The following DEPTOR variants were observed in gnomAD, a reference collection of about 807,000 sequenced individuals.
DEPTOR encodes DEP domain containing MTOR interacting protein, also known as DEP domain-containing mTOR-interacting protein.
Under a neutral mutation model 41.6 loss-of-function variants are expected in DEPTOR, and 41 were observed. That is an observed-to-expected ratio of 0.98 (90% CI 0.77 to 1.28). DEPTOR has a LOEUF of 1.28. Among genes scored for constraint, DEPTOR ranks in the 50% most tolerant of loss-of-function variants. The pLI is 0.00. For synonymous variants in DEPTOR, 195 were observed against 192.3 expected (o/e 1.01, Z -0.12); for missense variants, 514 against 527.9 (o/e 0.97, Z 0.26).
At chr8:120,004,759 C>G (rs1812407298) in intron 6 of DEPTOR, among the ~76,000 whole-genome samples, 1 of 151,994 alleles carries the variant, frequency 6.6e-6, no homozygotes, top group Non-Finnish European at 1.5e-5. Flanking sequence ...TTGTAAATTC[C>G]ACTTCTTACC....
At chr8:119,979,647 C>T (rs575179768) in intron 4 of DEPTOR, among the ~76,000 whole-genome samples, 4 of 151,946 alleles carry the variant, frequency 2.6e-5, no homozygotes, top group South Asian at 2.1e-4. Flanking sequence ...ACCCCACCCC[C>T]GCTTCCATCC....
At chr8:119,887,213 G>T (rs1454779959) in intron 1 of DEPTOR, among the ~76,000 whole-genome samples, 1 of 122,714 alleles carries the variant, frequency 8.1e-6, no homozygotes, top group African/African-American at 3.1e-5. Flanking sequence ...TCACTCTGTC[G>T]CCTGGGCTGG....
Position 120,003,004 on chromosome 8 carries a change from T to C in DEPTOR, c.818T>C (p.Val273Ala). ...SVSPSKEIKI[V>A]SAVRRSSMSS... The stretch of plus-strand genomic sequence containing the variant: ...AGCCCCAGCAAGGAGATCAAGATCG[T>C]GTCTGCAGTGAGGAGAAGCAGCATG... Residue 273 changes from valine to alanine, a missense_variant, in exon 6 of 9, where the codon GTG becomes GCG. Val to Ala is a moderately conservative substitution (Grantham distance 64, BLOSUM62 0). Transcript: ENST00000286234. 1 of 1,590,294 alleles carries C rather than the reference T, an allele frequency of 6.3e-7. No individual in the cohort carries two copies. Among genetic ancestry groups the C allele is most frequent in the Non-Finnish European group, 8.6e-7 (1 of 1,169,030 alleles).
At chr8:119,884,213 A>T in intron 1 of DEPTOR, among the ~76,000 whole-genome samples, 1 of 152,086 alleles carries the variant, frequency 6.6e-6, no homozygotes, top group East Asian at 1.9e-4. Context: ...AGGCACCACC[A>T]CACCTCACTA....
intron 8 of DEPTOR, among the ~76,000 whole-genome samples, chr8:120,041,509 C>T (rs1310661134): frequency 6.6e-6 from 1 of 152,126 alleles, no homozygotes; most frequent in Non-Finnish European, 1.5e-5. Context: ...TTCCTGTTAA[C>T]TCTTACGAGG....
At chr8:119,922,160 A>G (rs1244337045) in intron 1 of DEPTOR, among the ~76,000 whole-genome samples, 1 of 151,576 alleles carries the variant, frequency 6.6e-6, no homozygotes, top group Non-Finnish European at 1.5e-5. Flanking sequence ...AATTGCTTGA[A>G]TCCAGGAGGT....
At chr8:119,997,088 GGTTT>G (rs1471449190) in intron 4 of DEPTOR, among the ~76,000 whole-genome samples, 2 of 152,064 alleles carry the variant, frequency 1.3e-5, no homozygotes, top group Non-Finnish European at 2.9e-5. Flanking sequence ...AAGAATGGTT[GGTTT>G]ATTTATGATT....
intron 4 of DEPTOR, among the ~76,000 whole-genome samples, chr8:119,985,826 CTTTTTTTTTTTTTTTTTTTTTTTTTTT>C (rs999602227): frequency 2.4e-5 from 1 of 41,604 alleles, no homozygotes; most frequent in Non-Finnish European, 4.1e-5. Context: ...AACCCCTGCT[CTTTTTTTTTTTTTTTTTTTTTTTTTTT>C]TTTTTTTTTT....
intron 3 of DEPTOR, among the ~76,000 whole-genome samples, chr8:119,954,868 G>A (rs924338537): frequency 6.6e-6 from 1 of 151,896 alleles, no homozygotes; most frequent in Admixed American, 6.6e-5. Context: ...GTGTGTGTGT[G>A]TGTGTGTTTT....
chr8:119,968,910 A>G (rs970614980), intron 4 of DEPTOR, among the ~76,000 whole-genome samples: 2 of 152,118 alleles, frequency 1.3e-5, no homozygotes, highest in Non-Finnish European at 2.9e-5. Context: ...GCTGGCCAAC[A>G]TTGTGAAACC....
intron 8 of DEPTOR, among the ~76,000 whole-genome samples, chr8:120,030,500 T>TGTTTTTTTG (rs1231166400): frequency 1.3e-5 from 1 of 78,378 alleles, no homozygotes; most frequent in Non-Finnish European, 2.4e-5. Context: ...TTCATCAGTT[T>TGTTTTTTTG]TTTTTTTTTT....
chr8:119,923,256 AT>A (rs1827918610), intron 1 of DEPTOR, among the ~76,000 whole-genome samples: 1 of 151,604 alleles, frequency 6.6e-6, no homozygotes, highest in African/African-American at 2.4e-5. Flanking sequence ...TTATTTATTT[AT>A]TTTTGAGATG....
At chr8:119,883,238 G>A (rs142139755) in intron 1 of DEPTOR, among the ~76,000 whole-genome samples, 2,822 of 152,044 alleles carry the variant, frequency 0.019, 87 homozygotes, top group African/African-American at 0.063. Flanking sequence ...ACTTTGGGAG[G>A]CCGAGGCGGG....
chr8:120,041,583 G>C lies in DEPTOR; in HGVS notation c.1102-7993G>C, dbSNP rs898955749. Reference sequence around the variant, plus strand: ...AATAGGGTCTCACTCTGTTACCCAGGCTGGAGTGCAGTGGCGCCATCTCAG... The same window carrying C: ...AATAGGGTCTCACTCTGTTACCCAGCCTGGAGTGCAGTGGCGCCATCTCAG... On this transcript the variant is annotated intron_variant, in intron 8 of 8. Coordinates refer to ENST00000286234, the MANE Select transcript of DEPTOR (RefSeq NM_022783.4). Among the ~76,000 whole-genome samples the C allele has an allele frequency of 4.5e-4, 68 of 152,180 alleles. 1 individual carries two copies. Among genetic ancestry groups the C allele is most frequent in the Middle Eastern group, 3.4e-3 (1 of 294 alleles).
chr8:119,958,888 A>T (rs6992265), intron 3 of DEPTOR, among the ~76,000 whole-genome samples: 2,002 of 152,320 alleles, frequency 0.013, 48 homozygotes, highest in African/African-American at 0.045. Context: ...AAATGGACTC[A>T]GCATCTGGAT....
intron 1 of DEPTOR, 75 bp downstream of exon 1, chr8:119,874,043 C>T: frequency 6.3e-7 from 1 of 1,585,606 alleles, no homozygotes; most frequent in South Asian, 1.1e-5. Context: ...TGCGCGCACG[C>T]GCTCCCTGGC....
intron 3 of DEPTOR, among the ~76,000 whole-genome samples, chr8:119,936,164 G>A (rs1309887656): frequency 6.6e-6 from 1 of 152,082 alleles, no homozygotes; most frequent in African/African-American, 2.4e-5. Flanking sequence ...AATTCCTACT[G>A]CTTCCTTCAA....
At chr8:119,890,830 G>A (rs10103058) in intron 1 of DEPTOR, among the ~76,000 whole-genome samples, 75,572 of 151,852 alleles carry the variant, frequency 0.5, 20,464 homozygotes, top group East Asian at 0.92. Flanking sequence ...TTGAATCCAG[G>A]CCTCTCAGAA....
chr8:120,041,223 G>A lies in DEPTOR; in HGVS notation c.1102-8353G>A, dbSNP rs146639343. On this transcript the variant is annotated intron_variant, in intron 8 of 8. Coordinates refer to ENST00000286234, the MANE Select transcript of DEPTOR (RefSeq NM_022783.4). Reference sequence around the variant, plus strand: ...ACAATTATGTAATCATAGGTGTAGTGTTTCTCCCCAACTTCACTCCCACTT... The same window carrying A: ...ACAATTATGTAATCATAGGTGTAGTATTTCTCCCCAACTTCACTCCCACTT... Among the ~76,000 whole-genome samples, 71 of 152,262 alleles carry A rather than the reference G, an allele frequency of 4.7e-4. No homozygotes were observed. The East Asian group carries it at 5.0e-3, about 11-fold the overall frequency.
Sources: gnomAD v4.1 joint callset for allele counts (sites outside exome capture counted in the v4.1 genomes callset) on GRCh38, gnomAD v4.1.1 for gene constraint, MANE v1.5 for transcripts, NCBI Gene and HGNC (gene_info 2026-07-23, HGNC 2026-07-21) for gene names.